The following LATS2 variants were observed in gnomAD, a reference collection of about 807,000 sequenced individuals.
LATS2 encodes serine/threonine-protein kinase LATS2.
A neutral mutation model predicts 76.0 loss-of-function variants in LATS2; 24 were observed. That is an observed-to-expected ratio of 0.32 (90% CI 0.23 to 0.44). LATS2 has a LOEUF of 0.44. LATS2 is among the 20% of genes least tolerant of loss of function. The probability of loss-of-function intolerance (pLI) is 1.00; values close to 1 mark genes in which losing one functional copy is unlikely to be tolerated. For missense variants in LATS2, 1,286 were observed against 1,481.2 expected (o/e 0.87, Z 2.16); for synonymous variants, 692 against 635.4 (o/e 1.09, Z -1.34).
At chr13:21,048,606 C>A (rs1038209187) in intron 1 of LATS2, among the ~76,000 whole-genome samples, 4 of 151,996 alleles carry the variant, frequency 2.6e-5, no homozygotes, top group Non-Finnish European at 4.4e-5. Flanking sequence ...TCAAGGCGGG[C>A]GGATCATCTG....
intron 2 of LATS2, among the ~76,000 whole-genome samples, chr13:21,036,796 AAAC>A: frequency 6.7e-6 from 1 of 148,846 alleles, no homozygotes; most frequent in East Asian, 2.0e-4. Context: ...CAACAACAAA[AAAC>A]AACAACAAAA....
intron 1 of LATS2, among the ~76,000 whole-genome samples, chr13:21,054,614 A>G (rs1039579748): frequency 6.6e-6 from 1 of 152,186 alleles, no homozygotes; most frequent in Non-Finnish European, 1.5e-5. Context: ...TGGGGTGTTA[A>G]GCATCTGTGG....
At chr13:21,021,399 G>T (rs1322999355) in intron 2 of LATS2, among the ~76,000 whole-genome samples, 2 of 142,452 alleles carry the variant, frequency 1.4e-5, no homozygotes, top group Non-Finnish European at 3.0e-5. Context: ...CTTGAACCTG[G>T]GAAGCAGAGG....
intron 2 of LATS2, among the ~76,000 whole-genome samples, chr13:21,014,934 G>A (rs1309745349): frequency 6.6e-6 from 1 of 152,222 alleles, no homozygotes; most frequent in Non-Finnish European, 1.5e-5. Flanking sequence ...GGTACTGACA[G>A]CATGTTTGTT....
chr13:21,040,006 G>C (rs189348508), intron 2 of LATS2, among the ~76,000 whole-genome samples: 90 of 152,064 alleles, frequency 5.9e-4, no homozygotes, highest in African/African-American at 2.1e-3. Context: ...CCGGAAGGCA[G>C]AGGTTGCAGT....
Position 20,974,908 on chromosome 13 carries a change from C to T in LATS2, c.3229G>A (p.Val1077Met), listed in dbSNP as rs781721101. The T allele has an allele frequency of 1.9e-6, 3 of 1,613,936 alleles. No individual in the cohort carries two copies. Among genetic ancestry groups the T allele is most frequent in the South Asian group, 1.1e-5 (1 of 91,074 alleles). Reference protein sequence around the residue: ...ESSDLESSDLVDQTEGCQPVY... With the variant: ...ESSDLESSDLMDQTEGCQPVY... ...GGCTGGCAGCCTTCAGTCTGATCCACCAGATCAGAGCTTTCTAAATCTGAG... is the reference window on the plus strand; with the variant it reads ...GGCTGGCAGCCTTCAGTCTGATCCATCAGATCAGAGCTTTCTAAATCTGAG... The change falls in exon 8 of 8, where the codon GTG becomes ATG. Residue 1077 changes from valine (V) to methionine (M), a missense_variant. By Grantham distance (21) the Val-to-Met change is conservative. Around this residue, in one of 5 missense-constraint regions of LATS2, gnomAD observed 210 missense variants for 234.9 expected, o/e 0.89. Coordinates refer to ENST00000382592, the MANE Select transcript of LATS2 (RefSeq NM_014572.3).
intron 2 of LATS2, among the ~76,000 whole-genome samples, chr13:21,028,814 C>T (rs1167919131): frequency 6.6e-6 from 1 of 152,124 alleles, no homozygotes. Context: ...GTGATCCACC[C>T]GCCTTGGCCT....
At position 20,988,378 on chromosome 13, in the gene LATS2, C is replaced by T. The variant is rs1870288820; in HGVS notation, c.1402G>A (p.Ala468Thr). 1 of 1,366,724 alleles carries T rather than the reference C, an allele frequency of 7.3e-7. No individual in the cohort carries two copies. The highest frequency in any genetic ancestry group is 9.4e-7 in the Non-Finnish European group (1 of 1,069,390). 84.7% of individuals were successfully genotyped at this position (1,366,724 alleles called of 1,614,324 possible). A position where few individuals can be genotyped will look rare whatever the true frequency, so the allele number is the denominator to read the frequency against. ...GCGGGGGCGGGGGCCGGGGCAGGCG[C>T]GGGCACCCAGGCGGGGTGCGAGGGC... ...VGPSHPAWVP[A>T]PAPAPAPAPA... The change falls in exon 4 of 8, where the codon GCG (alanine) becomes ACG (threonine). Residue 468 changes from alanine to threonine, a missense_variant. By Grantham distance (58) the Ala-to-Thr change is moderately conservative (BLOSUM62 0). Around this residue, in one of 5 missense-constraint regions of LATS2, gnomAD observed 710 missense variants for 660.9 expected, o/e 1.07. Transcript: ENST00000382592.
intron 2 of LATS2, among the ~76,000 whole-genome samples, chr13:21,044,752 T>C (rs1040966812): frequency 6.9e-6 from 1 of 145,324 alleles, no homozygotes; most frequent in East Asian, 2.0e-4. Flanking sequence ...TAAATAGAGA[T>C]AGGGTCTCGC....
At chr13:21,060,460 C>T (rs1873598169) in intron 1 of LATS2, among the ~76,000 whole-genome samples, 1 of 152,350 alleles carries the variant, frequency 6.6e-6, no homozygotes, top group East Asian at 1.9e-4. Context: ...TCCTGCGCCT[C>T]GGGCCGCGTC....
chr13:20,999,652 C>A (rs1269146825), intron 2 of LATS2, among the ~76,000 whole-genome samples: 1 of 151,990 alleles, frequency 6.6e-6, no homozygotes, highest in Non-Finnish European at 1.5e-5. Flanking sequence ...TAGAGATGGG[C>A]TCTCACTGTA....
chr13:20,991,881 G>A lies in LATS2; in HGVS notation c.343-477C>T, dbSNP rs932174258. On this transcript the variant is annotated intron_variant, in intron 2 of 7. Transcript: ENST00000382592. The surrounding 1 kb of genome is among the most constrained non-coding windows in gnomAD (Gnocchi z 4.9). Reference sequence around the variant, plus strand: ...GCTGCCGAAGAGTCATATATTACACGCCTACTGTTTACAATGCCCCATGCT... The same window carrying A: ...GCTGCCGAAGAGTCATATATTACACACCTACTGTTTACAATGCCCCATGCT... 2.0e-5 allele frequency among the ~76,000 whole-genome samples: 3 copies of A among 152,118 alleles called. No homozygotes were observed. The highest frequency in any genetic ancestry group is 4.8e-5 in the African/African-American group (2 of 41,422).
In LATS2 at chr13:21,012,206, TA is replaced by T. The variant is rs113803345; in HGVS notation, c.343-20803del. 1.9e-3 allele frequency among the ~76,000 whole-genome samples: 287 copies of T among 151,976 alleles called. 1 individual carries two copies. Among genetic ancestry groups the T allele is most frequent in the African/African-American group, 5.5e-3 (229 of 41,446 alleles). ...AATGTAAAAATATCATATAAAAGATTAAAAAAAATGCATATCTATATAGGAC... is the reference window on the plus strand; with the variant it reads ...AATGTAAAAATATCATATAAAAGATTAAAAAAATGCATATCTATATAGGAC... On this transcript the variant is annotated intron_variant, in intron 2 of 7. Transcript: ENST00000382592.
At chr13:21,009,648 C>T (rs1226616097) in intron 2 of LATS2, among the ~76,000 whole-genome samples, 1 of 152,218 alleles carries the variant, frequency 6.6e-6, no homozygotes, top group Non-Finnish European at 1.5e-5. Flanking sequence ...TGTTACATAA[C>T]AATCACAGCA....
At chr13:21,037,744 G>A (rs1035929320) in intron 2 of LATS2, among the ~76,000 whole-genome samples, 2 of 152,180 alleles carry the variant, frequency 1.3e-5, no homozygotes, top group Non-Finnish European at 2.9e-5. Flanking sequence ...GGAGAAGTGG[G>A]CCTGGTCCCG....
chr13:21,039,476 T>C (rs1230256928), intron 2 of LATS2, among the ~76,000 whole-genome samples: 1 of 152,214 alleles, frequency 6.6e-6, no homozygotes, highest in African/African-American at 2.4e-5. Context: ...TTTTTGGTGA[T>C]GCATATTGTT....
chr13:21,045,532 T>C (rs1246900942), intron 2 of LATS2, among the ~76,000 whole-genome samples, 153 bp downstream of exon 2: 1 of 152,204 alleles, frequency 6.6e-6, no homozygotes, highest in Non-Finnish European at 1.5e-5. Context: ...GTGAGTTCAA[T>C]TATGTGTTAA....
rs1389686342 is a variant in LATS2, at chr13:21,045,827, G to A, written c.200C>T (p.Thr67Ile). The change falls in exon 2 of 8, where the codon ACC becomes ATC. Residue 67 changes from threonine (T) to isoleucine (I), a missense_variant. Thr to Ile is a moderately conservative substitution (Grantham distance 89). This residue lies in a region of LATS2 where 101 missense variants were observed against 141.4 expected (regional missense o/e 0.71). Transcript: ENST00000382592. ...ATRQQQQMRA[T>I]PKFGPYQKAL... The stretch of plus-strand genomic sequence containing the variant: ...TTTCTGATAAGGTCCGAACTTTGGG[G>A]TGGCTCTCATCTGCTGCTGCTGCCT... The A allele has an allele frequency of 3.1e-6, 5 of 1,614,194 alleles. No individual in the cohort carries two copies. The East Asian group carries it at 8.9e-5, about 29-fold the overall frequency.
At chr13:21,060,658 G>A (rs1393884948) in intron 1 of LATS2, among the ~76,000 whole-genome samples, 1 of 151,682 alleles carries the variant, frequency 6.6e-6, no homozygotes, top group Non-Finnish European at 1.5e-5. Context: ...GCGGCAGTGG[G>A]TGAGGCGGCG....
Sources: allele counts gnomAD v4.1 joint callset (sites outside exome capture counted in the v4.1 genomes callset), GRCh38; gene constraint gnomAD v4.1.1; regional missense constraint gnomAD v4.1.1; non-coding constraint Gnocchi (gnomAD v3.1); transcripts MANE v1.5; gene names NCBI Gene and HGNC (gene_info 2026-07-23, HGNC 2026-07-21).